The following INSR variants were observed in gnomAD, a reference collection of about 807,000 sequenced individuals.
The protein encoded by INSR is insulin receptor.
Under a neutral mutation model 142.6 loss-of-function variants are expected in INSR, and 67 were observed. That is an observed-to-expected ratio of 0.47 (90% confidence interval 0.39 to 0.58). INSR has a LOEUF of 0.58. INSR is among the 20% of genes least tolerant of loss of function. INSR has a pLI of 0.00. For synonymous variants in INSR, 756 were observed against 743.1 expected (o/e 1.02, Z -0.28); for missense variants, 1,248 against 1,833.2 (o/e 0.68, Z 5.83).
chr19:7,233,414 T>C (rs1976054154), intron 2 of INSR, among the ~76,000 whole-genome samples: 1 of 152,202 alleles, frequency 6.6e-6, no homozygotes, highest in Non-Finnish European at 1.5e-5. Flanking sequence ...CATCGTACTA[T>C]GCTGTGTGGC....
intron 2 of INSR, among the ~76,000 whole-genome samples, chr19:7,254,905 A>G (rs1227310485): frequency 6.6e-6 from 1 of 152,194 alleles, no homozygotes; most frequent in African/African-American, 2.4e-5. Flanking sequence ...CAGACAGCCA[A>G]AGGGAAAGCC....
chr19:7,271,481 C>T (rs1226745726), intron 1 of INSR, among the ~76,000 whole-genome samples: 9 of 152,094 alleles, frequency 5.9e-5, no homozygotes, highest in Non-Finnish European at 8.8e-5. Flanking sequence ...GGCGACAGAG[C>T]GAGACTCCAT....
At position 7,211,183 on chromosome 19, in the gene INSR, C is replaced by T. The variant is rs117361540; in HGVS notation, c.653-26546G>A. Among the ~76,000 whole-genome samples, 148 of 152,266 alleles carry T rather than the reference C, an allele frequency of 9.7e-4. 2 individuals carry two copies. The East Asian group carries it at 0.025, about 26-fold the overall frequency. On this transcript the variant is annotated intron_variant, in intron 2 of 21. Transcript: ENST00000302850. ...CTGGGCTTAAGCGATTCTCCCACCT[C>T]AGCCTCCCATGTAGCTGCGACTACA...
chr19:7,285,420 G>A (rs1968321648), intron 1 of INSR, among the ~76,000 whole-genome samples: 1 of 151,656 alleles, frequency 6.6e-6, no homozygotes, highest in Non-Finnish European at 1.5e-5. Flanking sequence ...ACTGCAGTCT[G>A]GCCTGGGCAA....
chr19:7,196,757 AAAAGTTTAAAAACCTTTCC>A (rs1265603521), intron 2 of INSR, among the ~76,000 whole-genome samples: 1 of 152,200 alleles, frequency 6.6e-6, no homozygotes, highest in Admixed American at 6.5e-5. Flanking sequence ...CTTAAAAAAA[AAAAGTTTAAAAACCTTTCC>A]AAAGTTTAAA....
chr19:7,237,698 C>T lies in INSR; in HGVS notation c.652+29647G>A, dbSNP rs60282701. On this transcript the variant is annotated intron_variant, in intron 2 of 21. Coordinates refer to ENST00000302850, the MANE Select transcript of INSR (RefSeq NM_000208.4). ...AGGCATGGTGGCGGGTGCCTGTAGT[C>T]CCAGCAACTCGGGAGGCTGAGGCAG... Among the ~76,000 whole-genome samples the T allele has an allele frequency of 9.9e-3, 1,505 of 152,034 alleles. 26 individuals are homozygous for T. The highest frequency in any genetic ancestry group is 0.034 in the African/African-American group (1,419 of 41,474).
rs775034394 is a variant in INSR at position 7,184,651 on chromosome 19, G to C, written c.653-14C>G. The C allele has an allele frequency of 2.0e-6, 3 of 1,506,844 alleles. No individual in the cohort carries two copies. The South Asian group carries it at 3.6e-5, about 18-fold the overall frequency. 93.3% of individuals were successfully genotyped at this position (1,506,844 alleles called of 1,614,324 possible). A position where few individuals can be genotyped will look rare whatever the true frequency, so the allele number is the denominator to read the frequency against. The stretch of plus-strand genomic sequence containing the variant: ...TGGTCGGGCAAACTGGAGAGAGAGA[G>C]AGAGAGAGAGGGAAATAAATAAATA... On this transcript the variant is annotated splice_polypyrimidine_tract_variant and intron_variant, in intron 2 of 21. Transcript: ENST00000302850.
intron 2 of INSR, among the ~76,000 whole-genome samples, chr19:7,256,682 C>T (rs1033651372): frequency 2.6e-5 from 4 of 151,746 alleles, no homozygotes; most frequent in Admixed American, 1.3e-4. Context: ...GCCAAGATTG[C>T]GCCACTGCAC....
At chr19:7,221,955 C>T (rs187275592) in intron 2 of INSR, among the ~76,000 whole-genome samples, 4 of 151,976 alleles carry the variant, frequency 2.6e-5, no homozygotes, top group African/African-American at 9.7e-5. Context: ...GATCCACAAG[C>T]CACGATATAT....
intron 2 of INSR, among the ~76,000 whole-genome samples, chr19:7,234,492 G>A (rs1976096041): frequency 6.6e-6 from 1 of 152,134 alleles, no homozygotes; most frequent in Non-Finnish European, 1.5e-5. Flanking sequence ...ACAAGTGTGA[G>A]CCACACTGCC....
intron 1 of INSR, among the ~76,000 whole-genome samples, chr19:7,282,712 C>T (rs956797244): frequency 4.0e-5 from 6 of 150,966 alleles, no homozygotes; most frequent in African/African-American, 1.2e-4. Context: ...CATGGCCAGG[C>T]GCAGTGGCTC....
intron 13 of INSR, among the ~76,000 whole-genome samples, chr19:7,136,114 C>T (rs938924098): frequency 1.3e-5 from 2 of 151,988 alleles, no homozygotes; most frequent in African/African-American, 4.8e-5. Context: ...TTGTTTTTTG[C>T]CACGCTCGTG....
At chr19:7,260,974 G>A (rs769709501) in intron 2 of INSR, among the ~76,000 whole-genome samples, 12 of 150,810 alleles carry the variant, frequency 8.0e-5, no homozygotes, top group Non-Finnish European at 1.5e-4. Flanking sequence ...TGCGACCTCC[G>A]CCCCCGGGGC....
chr19:7,292,474 G>GGGT (rs1555693263), intron 1 of INSR, among the ~76,000 whole-genome samples: 1 of 150,220 alleles, frequency 6.7e-6, no homozygotes, highest in Admixed American at 6.7e-5. Flanking sequence ...CGGGGCTGGG[G>GGGT]GGGGGTGGGC....
At chr19:7,197,819 C>CGA (rs1046835448) in intron 2 of INSR, among the ~76,000 whole-genome samples, 9 of 75,788 alleles carry the variant, frequency 1.2e-4, no homozygotes, top group East Asian at 6.7e-4. Context: ...GGAGAGAGAG[C>CGA]GAGAGAGAGA....
At chr19:7,213,490 G>A (rs1975343008) in intron 2 of INSR, among the ~76,000 whole-genome samples, 1 of 152,090 alleles carries the variant, frequency 6.6e-6, no homozygotes, top group Non-Finnish European at 1.5e-5. Context: ...CTCTCTTGCA[G>A]GTCCTTTATT....
At chr19:7,135,283 G>A (rs1260031900) in intron 13 of INSR, among the ~76,000 whole-genome samples, 5 of 142,696 alleles carry the variant, frequency 3.5e-5, no homozygotes, top group Non-Finnish European at 7.6e-5. Flanking sequence ...TGCTATCCAG[G>A]ACAAAGGGGA....
At position 7,225,289 on chromosome 19, in the gene INSR, A is replaced by G. The variant is rs1404434889; in HGVS notation, c.653-40652T>C. ...ATGTTACTGTGGGCCAGTTGCCGTTATAGGTGTAAGATGATTCCTCAGGGA... is the reference window on the plus strand; with the variant it reads ...ATGTTACTGTGGGCCAGTTGCCGTTGTAGGTGTAAGATGATTCCTCAGGGA... On this transcript the variant is annotated intron_variant, in intron 2 of 21. Coordinates refer to ENST00000302850, the MANE Select transcript of INSR (RefSeq NM_000208.4). This position sits in a 1 kb window ranked among gnomAD's most constrained non-coding sequence, Gnocchi z 4.7. Among the ~76,000 whole-genome samples the G allele has an allele frequency of 6.6e-6, 1 of 152,170 alleles. No homozygotes were observed. The highest frequency in any genetic ancestry group is 1.5e-5 in the Non-Finnish European group (1 of 68,026).
chr19:7,194,473 G>A (rs1974684862), intron 2 of INSR, among the ~76,000 whole-genome samples: 1 of 151,258 alleles, frequency 6.6e-6, no homozygotes, highest in Non-Finnish European at 1.5e-5. Flanking sequence ...GGGGCTCAGG[G>A]GTGAAGTGTG....
Sources: allele counts gnomAD v4.1 joint callset (sites outside exome capture counted in the v4.1 genomes callset), GRCh38; gene constraint gnomAD v4.1.1; non-coding constraint Gnocchi (gnomAD v3.1); transcripts MANE v1.5; gene names NCBI Gene and HGNC (gene_info 2026-07-23, HGNC 2026-07-21).